The following TMEM65 variants were observed in gnomAD, a reference collection of about 807,000 sequenced individuals.
TMEM65 encodes the protein transmembrane protein 65.
A neutral mutation model predicts 25.4 loss-of-function variants in TMEM65; 22 were observed. The observed-to-expected ratio is 0.86, with a 90% CI of 0.62 to 1.23. The LOEUF (loss-of-function observed/expected upper bound fraction) is 1.23, where lower values mean the gene tolerates loss of function less well. Ranked by LOEUF, TMEM65 falls within the 50% of genes most tolerant of loss-of-function variation. TMEM65 has a pLI of 0.00. For missense variants in TMEM65, 262 were observed against 308.2 expected, an observed-to-expected ratio of 0.85 and a Z score of 1.12; for synonymous variants, 132 against 126.2, an observed-to-expected ratio of 1.05 and a Z score of -0.31.
chr8:124,312,332 A>G lies in TMEM65; in HGVS notation c.*1628T>C, dbSNP rs1015991863. The stretch of plus-strand genomic sequence containing the variant: ...TATTTATTTTTAGATTATATGCTAT[A>G]TTTTTATGCTTTCTCTCCTCAAAGT... On this transcript the variant is annotated 3_prime_UTR_variant, in exon 7 of 7. Coordinates refer to ENST00000297632, the MANE Select transcript of TMEM65 (RefSeq NM_194291.3). 1 of 151,976 alleles carries G rather than the reference A, an allele frequency of 6.6e-6. No homozygotes were observed. Among genetic ancestry groups the G allele is most frequent in the Non-Finnish European group, 1.5e-5 (1 of 67,888 alleles). The allele number at this position is 151,976 out of a possible 1,614,324, so 9.4% of individuals were successfully genotyped here.
chr8:124,339,272 T>G (rs940790402), intron 1 of TMEM65, among the ~76,000 whole-genome samples: 1 of 132,142 alleles, frequency 7.6e-6, no homozygotes. Context: ...AACAAGTAGC[T>G]GAATCTTGGC....
intron 1 of TMEM65, among the ~76,000 whole-genome samples, chr8:124,331,237 A>T (rs900148559): frequency 6.6e-6 from 1 of 151,724 alleles, no homozygotes; most frequent in Non-Finnish European, 1.5e-5. Flanking sequence ...ATAGATCTAG[A>T]TATCTTTAAA....
chr8:124,320,172 C>A lies in TMEM65; in HGVS notation c.535G>T (p.Ala179Ser). The change falls in exon 6 of 7, where the codon GCA becomes TCA. Residue 179 changes from alanine (A) to serine (S), a missense_variant. Ala to Ser is a moderately conservative substitution (Grantham distance 99). Coordinates refer to ENST00000297632, the MANE Select transcript of TMEM65 (RefSeq NM_194291.3). ...GACAGGCCTAACCTGGAAGCCAATG[C>A]TTCAACGTAGCCTGCAAGTCTTTGA... ...AGLGLAGYVE[A>S]LASRLGLSIP... 6.2e-7 allele frequency: 1 copy of A among 1,612,852 alleles called. No homozygotes were observed. Among genetic ancestry groups the A allele is most frequent in the Non-Finnish European group, 8.5e-7 (1 of 1,179,176 alleles).
chr8:124,352,349 G>T (rs922518511), intron 1 of TMEM65, among the ~76,000 whole-genome samples: 2 of 151,994 alleles, frequency 1.3e-5, no homozygotes, highest in Non-Finnish European at 2.9e-5. Flanking sequence ...TAAATCCAGA[G>T]AAATAGGGCA....
intron 1 of TMEM65, among the ~76,000 whole-genome samples, chr8:124,331,250 G>A (rs1814427817): frequency 6.6e-6 from 1 of 151,410 alleles, no homozygotes; most frequent in Non-Finnish European, 1.5e-5. Context: ...TCTTTAAAAT[G>A]AAGAAAATAT....
At chr8:124,342,546 A>ATTATAT (rs1814593876) in intron 1 of TMEM65, among the ~76,000 whole-genome samples, 1 of 152,174 alleles carries the variant, frequency 6.6e-6, no homozygotes, top group Admixed American at 6.5e-5. Flanking sequence ...CCTATATAAT[A>ATTATAT]AACAAGTGCT....
chr8:124,347,903 T>G (rs1207836701), intron 1 of TMEM65, among the ~76,000 whole-genome samples: 1 of 151,736 alleles, frequency 6.6e-6, no homozygotes, highest in Non-Finnish European at 1.5e-5. Context: ...TTTTTTTTTT[T>G]TTTTGAGGCG....
intron 1 of TMEM65, among the ~76,000 whole-genome samples, chr8:124,351,765 C>T (rs1189010294): frequency 6.6e-6 from 1 of 152,180 alleles, no homozygotes; most frequent in Non-Finnish European, 1.5e-5. Context: ...TCCATAAGTT[C>T]ACCTTCCCTA....
At chr8:124,355,240 T>C (rs966204066) in intron 1 of TMEM65, among the ~76,000 whole-genome samples, 14 of 150,788 alleles carry the variant, frequency 9.3e-5, no homozygotes, top group African/African-American at 3.0e-4. Context: ...GAAGTCCCTT[T>C]GAGCAGAAAA....
intron 1 of TMEM65, among the ~76,000 whole-genome samples, chr8:124,345,786 C>G (rs1333871826): frequency 6.6e-6 from 1 of 151,940 alleles, no homozygotes; most frequent in African/African-American, 2.4e-5. Flanking sequence ...TTCTGTCACC[C>G]AGGCTGGAGT....
intron 1 of TMEM65, among the ~76,000 whole-genome samples, chr8:124,350,404 T>TTCTCTCTC (rs139539107): frequency 6.7e-6 from 1 of 148,772 alleles, no homozygotes; most frequent in African/African-American, 2.5e-5. Context: ...GTTTTAATCT[T>TTCTCTCTC]TCTCTCTCTC....
intron 1 of TMEM65, among the ~76,000 whole-genome samples, chr8:124,360,567 T>C (rs1814846571): frequency 6.6e-6 from 1 of 152,166 alleles, no homozygotes. Context: ...TTGTTTAAGG[T>C]GCTTTTCCTG....
At chr8:124,354,350 T>C (rs184976218) in intron 1 of TMEM65, among the ~76,000 whole-genome samples, 1 of 152,316 alleles carries the variant, frequency 6.6e-6, no homozygotes, top group East Asian at 1.9e-4. Flanking sequence ...TATTAGATGG[T>C]AGTAAAGTAC....
chr8:124,325,200 A>T (rs1814352199), intron 3 of TMEM65, among the ~76,000 whole-genome samples: 1 of 150,856 alleles, frequency 6.6e-6, no homozygotes, highest in Non-Finnish European at 1.5e-5. Context: ...TCTATGGTAT[A>T]AAAAAAAAGA....
chr8:124,322,106 C>A lies in TMEM65; in HGVS notation c.514G>T (p.Gly172Ter), dbSNP rs1408082822. The A allele has an allele frequency of 6.2e-7, 1 of 1,606,254 alleles. No individual in the cohort carries two copies. The highest frequency in any genetic ancestry group is 1.7e-5 in the Admixed American group (1 of 59,570). Residue 172 changes from glycine (G) to a stop codon, truncating the protein, a stop_gained and splice_region_variant, in exon 5 of 7, where the codon GGA becomes TGA. Transcript: ENST00000297632. LOFTEE classifies it high-confidence loss of function. The stretch of plus-strand genomic sequence containing the variant: ...AAATGAATAAGTGAATGAACCTACC[C>A]AAGTCCAGCTAGATCTGACACAAGA... ...GNLVSDLAGL[G>*]LAGYVEALAS...
chr8:124,363,912 T>C (rs1040678929), intron 1 of TMEM65, among the ~76,000 whole-genome samples: 1 of 147,288 alleles, frequency 6.8e-6, no homozygotes, highest in South Asian at 2.2e-4. Flanking sequence ...ACTTAGCCAG[T>C]AGGTAATCTA....
chr8:124,347,072 T>C (rs1329084145), intron 1 of TMEM65, among the ~76,000 whole-genome samples: 22 of 152,206 alleles, frequency 1.4e-4, no homozygotes, highest in Non-Finnish European at 1.9e-4. Flanking sequence ...GCAGTGTTTT[T>C]TTTAAAAAGA....
chr8:124,354,723 C>T (rs550435544), intron 1 of TMEM65, among the ~76,000 whole-genome samples: 8 of 152,154 alleles, frequency 5.3e-5, no homozygotes, highest in African/African-American at 9.7e-5. Flanking sequence ...TTACTTCTAC[C>T]TCTGCCCAAG....
intron 1 of TMEM65, among the ~76,000 whole-genome samples, chr8:124,352,206 T>C (rs1350516032): frequency 6.6e-6 from 1 of 152,164 alleles, no homozygotes; most frequent in African/African-American, 2.4e-5. Flanking sequence ...CTGTTCTAAA[T>C]GAAATTTGAA....
Sources: gnomAD v4.1 joint callset for allele counts (sites outside exome capture counted in the v4.1 genomes callset) on GRCh38, gnomAD v4.1.1 for gene constraint, MANE v1.5 for transcripts, NCBI Gene and HGNC (gene_info 2026-07-23, HGNC 2026-07-21) for gene names.